EPB41L4B: variants seen among roughly 807,000 people sequenced by gnomAD.
The protein encoded by EPB41L4B is band 4.1-like protein 4B.
EPB41L4B carries 30 observed loss-of-function variants against 112.5 expected under a neutral mutation model. That is an observed-to-expected ratio of 0.27 (90% CI 0.20 to 0.36). EPB41L4B has a LOEUF of 0.36. EPB41L4B is among the 10% of genes least tolerant of loss of function. The pLI is 1.00. For missense variants in EPB41L4B, 1,024 were observed against 1,133.3 expected (o/e 0.90, Z 1.38); for synonymous variants, 408 against 439.7 (o/e 0.93, Z 0.90).
intron 5 of EPB41L4B, among the ~76,000 whole-genome samples, chr9:109,263,754 A>G (rs1835301201): frequency 6.6e-6 from 1 of 152,174 alleles, no homozygotes. Flanking sequence ...AAGTTTGTAA[A>G]CCTTTAGGAT....
At chr9:109,226,683 A>AGAATATATATATGAATATATATAT (rs1180366041) in intron 15 of EPB41L4B, among the ~76,000 whole-genome samples, 1 of 92,672 alleles carries the variant, frequency 1.1e-5, no homozygotes, top group African/African-American at 5.2e-5. Flanking sequence ...ATATATATGA[A>AGAATATATATATGAATATATATAT]GAATATATAT....
intron 2 of EPB41L4B, among the ~76,000 whole-genome samples, chr9:109,278,369 T>C (rs1835914706): frequency 2.0e-5 from 3 of 151,836 alleles, no homozygotes; most frequent in African/African-American, 7.3e-5. Flanking sequence ...CCAGTGGGAG[T>C]GTCCACCCCA....
rs992272003 is a variant in EPB41L4B, at chr9:109,243,797, G to A, written c.1345-115C>T. On this transcript the variant is annotated intron_variant, in intron 14 of 25. Transcript: ENST00000374566. ...GGGGCTGGGGGACTAAGAATGGAAA[G>A]GCTATAGACCCTGGCTAGGGGGTGG... The A allele has an allele frequency of 2.1e-5, 20 of 970,264 alleles. No homozygotes were observed. The South Asian group carries it at 2.8e-4, about 14-fold the overall frequency. The allele number at this position is 970,264 out of a possible 1,614,324, so 60.1% of individuals were successfully genotyped here.
At chr9:109,288,191 G>A (rs1836372721) in intron 1 of EPB41L4B, among the ~76,000 whole-genome samples, 1 of 152,352 alleles carries the variant, frequency 6.6e-6, no homozygotes, top group Non-Finnish European at 1.5e-5. Flanking sequence ...CTGCTGCTGC[G>A]AGAGGATGCA....
intron 15 of EPB41L4B, among the ~76,000 whole-genome samples, chr9:109,231,331 G>A (rs1000449936): frequency 6.6e-6 from 1 of 152,024 alleles, no homozygotes; most frequent in Non-Finnish European, 1.5e-5. Flanking sequence ...ATGCTAGATG[G>A]GGAGCTCTTG....
At chr9:109,178,148 T>A (rs1411344320) in intron 24 of EPB41L4B, among the ~76,000 whole-genome samples, 2 of 152,098 alleles carry the variant, frequency 1.3e-5, no homozygotes, top group Non-Finnish European at 2.9e-5. Flanking sequence ...ACTCCTGGTT[T>A]CAAGTGATCC....
intron 15 of EPB41L4B, among the ~76,000 whole-genome samples, chr9:109,226,726 G>GAATATATATATGAA: frequency 8.3e-6 from 1 of 119,866 alleles, no homozygotes; most frequent in Non-Finnish European, 1.7e-5. Flanking sequence ...TATATATGAA[G>GAATATATATATGAA]TATATATATG....
intron 15 of EPB41L4B, chr9:109,241,634 G>GAAACTA: frequency 1.2e-6 from 2 of 1,613,022 alleles, no homozygotes; most frequent in Non-Finnish European, 1.7e-6. Context: ...AACTATGAAG[G>GAAACTA]TGAATGGAAG....
At chr9:109,290,734 C>T (rs1437774808) in intron 1 of EPB41L4B, among the ~76,000 whole-genome samples, 1 of 149,188 alleles carries the variant, frequency 6.7e-6, no homozygotes, top group African/African-American at 2.5e-5. Flanking sequence ...TATATACACA[C>T]ACACACATAC....
At chr9:109,236,899 T>A (rs1261805826) in intron 15 of EPB41L4B, among the ~76,000 whole-genome samples, 1 of 152,096 alleles carries the variant, frequency 6.6e-6, no homozygotes, top group Admixed American at 6.5e-5. Flanking sequence ...CCTAGACCAA[T>A]GTAGGGTATT....
intron 14 of EPB41L4B, among the ~76,000 whole-genome samples, chr9:109,244,525 A>G (rs571538299): frequency 7.7e-6 from 1 of 129,714 alleles, no homozygotes; most frequent in African/African-American, 3.0e-5. Context: ...GGCAACCTCT[A>G]CCTCCTGGGT....
intron 7 of EPB41L4B, 81 bp downstream of exon 7, chr9:109,258,096 C>T (rs773768734): frequency 2.0e-6 from 3 of 1,467,652 alleles, no homozygotes; most frequent in East Asian, 2.3e-5. Context: ...AACAATTCTA[C>T]TGGTAGATAA....
intron 20 of EPB41L4B, among the ~76,000 whole-genome samples, chr9:109,198,761 T>C (rs543422899): frequency 6.6e-6 from 1 of 151,708 alleles, no homozygotes; most frequent in African/African-American, 2.4e-5. Context: ...TACAAAAAAA[T>C]TAGCTGGGTG....
In EPB41L4B at chr9:109,307,943, G is replaced by A. The variant is rs150125537; in HGVS notation, c.306+12198C>T. ...ACCCTTGTTACTGCTCATTTGCCAC[G>A]GTGAGCAGCAGCAGACTGGAGTGAG... On this transcript the variant is annotated intron_variant, in intron 1 of 25. Coordinates refer to ENST00000374566, the MANE Select transcript of EPB41L4B (RefSeq NM_019114.5). Among the ~76,000 whole-genome samples, 539 of 152,240 alleles carry A rather than the reference G, an allele frequency of 3.5e-3. 6 individuals carry two copies. The highest frequency in any genetic ancestry group is 3.0e-3 in the Non-Finnish European group (202 of 68,010).
chr9:109,223,210 C>T (rs914434028), intron 15 of EPB41L4B, among the ~76,000 whole-genome samples: 2 of 152,084 alleles, frequency 1.3e-5, no homozygotes, highest in Admixed American at 1.3e-4. Context: ...GAGGCCAAGG[C>T]AGGAGGATTG....
intron 14 of EPB41L4B, among the ~76,000 whole-genome samples, chr9:109,246,964 T>C (rs150591892): frequency 6.6e-6 from 1 of 152,158 alleles, no homozygotes; most frequent in Non-Finnish European, 1.5e-5. Flanking sequence ...AGGCTAGCGT[T>C]TTTTTAAAAA....
intron 2 of EPB41L4B, among the ~76,000 whole-genome samples, chr9:109,277,545 G>A (rs1201862774): frequency 2.0e-5 from 3 of 152,214 alleles, no homozygotes; most frequent in Non-Finnish European, 2.9e-5. Flanking sequence ...TCGGGAGCTT[G>A]GACTCTGCTG....
chr9:109,281,864 A>G (rs550958710), intron 1 of EPB41L4B, among the ~76,000 whole-genome samples: 2 of 152,346 alleles, frequency 1.3e-5, no homozygotes, highest in South Asian at 2.1e-4. Flanking sequence ...ACATAGAGTT[A>G]GTTACCACAT....
At chr9:109,226,994 A>G (rs1833805592) in intron 15 of EPB41L4B, among the ~76,000 whole-genome samples, 1 of 151,444 alleles carries the variant, frequency 6.6e-6, no homozygotes, top group Non-Finnish European at 1.5e-5. Flanking sequence ...GTGCACTACC[A>G]CACCTGGCTA....
Sources: allele counts gnomAD v4.1 joint callset (sites outside exome capture counted in the v4.1 genomes callset), GRCh38; gene constraint gnomAD v4.1.1; transcripts MANE v1.5; gene names NCBI Gene and HGNC (gene_info 2026-07-23, HGNC 2026-07-21).